Variants in FAN1 observed in about 807,000 individuals in gnomAD.
FAN1 encodes fanconi-associated nuclease 1.
Under a neutral mutation model 104.9 loss-of-function variants are expected in FAN1, and 91 were observed. That is an observed-to-expected ratio of 0.87 (90% CI 0.73 to 1.03). FAN1 has a LOEUF of 1.03. FAN1 is among the 50% of genes least tolerant of loss of function. The probability of loss-of-function intolerance (pLI) is 0.00; values close to 1 mark genes in which losing one functional copy is unlikely to be tolerated. For missense variants in FAN1, 1,263 were observed against 1,239.9 expected, an observed-to-expected ratio of 1.02 and a Z score of -0.28; for synonymous variants, 478 against 457.6, an observed-to-expected ratio of 1.04 and a Z score of -0.57.
At chr15:30,925,735 T>C in intron 9 of FAN1, 54 bp from the exon 10 acceptor site, 1 of 1,601,754 alleles carries the variant, frequency 6.2e-7, no homozygotes, top group East Asian at 2.2e-5. Context: ...AGGCAGGTTT[T>C]CAGGGACTTT....
rs1414757252 is a variant in FAN1, at chr15:30,930,524, T to A, written c.2788-19T>A. 12 of 1,580,676 alleles carry A rather than the reference T, an allele frequency of 7.6e-6. No individual in the cohort carries two copies. Among genetic ancestry groups the A allele is most frequent in the Non-Finnish European group, 1.0e-5 (12 of 1,170,010 alleles). Reference sequence around the variant, plus strand: ...CTGTCACGAGGGAAGTGGCTAACTGTCCTGTGTTTTGTGTTCAGGATCTTG... The same window carrying A: ...CTGTCACGAGGGAAGTGGCTAACTGACCTGTGTTTTGTGTTCAGGATCTTG... On this transcript the variant is annotated intron_variant, in intron 12 of 14. Coordinates refer to ENST00000362065, the MANE Select transcript of FAN1 (RefSeq NM_014967.5).
At chr15:30,917,196 C>G (rs1267844550) in intron 5 of FAN1, among the ~76,000 whole-genome samples, 1 of 152,050 alleles carries the variant, frequency 6.6e-6, no homozygotes, top group Non-Finnish European at 1.5e-5. Flanking sequence ...GGTGTTTTGC[C>G]TTGGGGTGGG....
intron 3 of FAN1, 70 bp downstream of exon 3, chr15:30,908,328 C>A: frequency 4.4e-6 from 6 of 1,378,440 alleles, no homozygotes; most frequent in Non-Finnish European, 5.9e-6. Context: ...AGAATGATGG[C>A]AGTATTATTA....
At chr15:30,919,029 C>T (rs2062254325) in intron 6 of FAN1, among the ~76,000 whole-genome samples, 1 of 152,116 alleles carries the variant, frequency 6.6e-6, no homozygotes, top group Admixed American at 6.5e-5. Context: ...ATGTTATATG[C>T]ATTATATGCT....
At position 30,904,917 on chromosome 15, in the gene FAN1, CTA is replaced by C. The variant is rs758406790; in HGVS notation, c.256_257del (p.Met86GlyfsTer14). 9 of 1,613,978 alleles carry C rather than the reference CTA, an allele frequency of 5.6e-6. No homozygotes were observed. The highest frequency in any genetic ancestry group is 7.6e-6 in the Non-Finnish European group (9 of 1,180,010). On this transcript the variant is annotated frameshift_variant, in exon 2 of 15. Coordinates refer to ENST00000362065, the MANE Select transcript of FAN1 (RefSeq NM_014967.5). LOFTEE classifies it high-confidence loss of function. ...GTTGGCTTAATAAATTCAAATGTGT[CTA>C]TGGTAGATTTAACCAGTGTTACCTT...
chr15:30,939,628 A>G (rs999281208), intron 14 of FAN1: 3 of 923,936 alleles, frequency 3.2e-6, no homozygotes, highest in African/African-American at 1.8e-5. Flanking sequence ...AAACTTGTAA[A>G]TTAACAACAA....
intron 14 of FAN1, chr15:30,940,229 T>C (rs1215370869): frequency 1.0e-6 from 1 of 985,276 alleles, no homozygotes; most frequent in Non-Finnish European, 1.2e-6. Flanking sequence ...AGCTTCAGCT[T>C]TGACCGCTAC....
At position 30,914,060 on chromosome 15, in the gene FAN1, C is replaced by G; in HGVS notation, c.1780C>G (p.His594Asp). 1 of 1,613,878 alleles carries G rather than the reference C, an allele frequency of 6.2e-7. No homozygotes were observed. The highest frequency in any genetic ancestry group is 8.5e-7 in the Non-Finnish European group (1 of 1,179,804). The part of the protein sequence containing the change: ...FPSYTINRKT[H>D]IFQDRDDLIR... ...TAGTTACACCATCAATCGGAAAACC[C>G]ACATCTTCCAAGACAGAGATGATCT... The change falls in exon 5 of 15, where the codon CAC (histidine) becomes GAC (aspartate). Residue 594 changes from histidine to aspartate, a missense_variant. Coordinates refer to ENST00000362065, the MANE Select transcript of FAN1 (RefSeq NM_014967.5).
chr15:30,933,961 C>T (rs2062785559), intron 13 of FAN1, among the ~76,000 whole-genome samples: 1 of 152,020 alleles, frequency 6.6e-6, no homozygotes, highest in Non-Finnish European at 1.5e-5. Context: ...GGGGTTCCAC[C>T]ATGTTGCCCA....
chr15:30,925,946 G>C lies in FAN1; in HGVS notation c.2488+7G>C. Reference sequence around the variant, plus strand: ...CGCAGCGGTTTTGACCAGGGTAACTGAGCAGGCTTTCTCTTGTGGCACCCA... The same window carrying C: ...CGCAGCGGTTTTGACCAGGGTAACTCAGCAGGCTTTCTCTTGTGGCACCCA... On this transcript the variant is annotated splice_region_variant and intron_variant, in intron 10 of 14. Coordinates refer to ENST00000362065, the MANE Select transcript of FAN1 (RefSeq NM_014967.5). 1 of 1,613,938 alleles carries C rather than the reference G, an allele frequency of 6.2e-7. No homozygotes were observed. The highest frequency in any genetic ancestry group is 8.5e-7 in the Non-Finnish European group (1 of 1,179,886).
intron 1 of FAN1, among the ~76,000 whole-genome samples, chr15:30,904,288 T>G (rs1433620815): frequency 6.6e-6 from 1 of 152,138 alleles, no homozygotes; most frequent in Non-Finnish European, 1.5e-5. Context: ...TTTTAGGTCT[T>G]AAAGATGTCC....
At position 30,942,132 on chromosome 15, in the gene FAN1, G is replaced by A; in HGVS notation, c.*570G>A. The A allele has an allele frequency of 6.6e-7, 1 of 1,524,710 alleles. No individual in the cohort carries two copies. Among genetic ancestry groups the A allele is most frequent in the Non-Finnish European group, 8.9e-7 (1 of 1,129,642 alleles). 94.4% of individuals were successfully genotyped at this position (1,524,710 alleles called of 1,614,324 possible). A position where few individuals can be genotyped will look rare whatever the true frequency, so the allele number is the denominator to read the frequency against. On this transcript the variant is annotated 3_prime_UTR_variant, in exon 15 of 15. Coordinates refer to ENST00000362065, the MANE Select transcript of FAN1 (RefSeq NM_014967.5). The stretch of plus-strand genomic sequence containing the variant: ...TCCCTTTTTAGAAAGATTGAAGGAT[G>A]CAATGGCAAATATAAACTCAATACT...
intron 9 of FAN1, 123 bp downstream of exon 9, chr15:30,925,414 T>TCGGAATAATCTAAAAATCCAAAACACAGC: frequency 1.0e-6 from 1 of 974,838 alleles, no homozygotes; most frequent in Non-Finnish European, 1.5e-6. Flanking sequence ...AATCTAAAAC[T>TCGGAATAATCTAAAAATCCAAAACACAGC]CGTTTTGGAC....
chr15:30,910,173 C>T (rs2062067122), intron 3 of FAN1, among the ~76,000 whole-genome samples: 1 of 152,238 alleles, frequency 6.6e-6, no homozygotes, highest in Non-Finnish European at 1.5e-5. Context: ...TCGGGGCCCA[C>T]AGTAGCCGAA....
chr15:30,913,970 G>T lies in FAN1; in HGVS notation c.1690G>T (p.Ala564Ser), dbSNP rs565689759. 1 of 1,614,022 alleles carries T rather than the reference G, an allele frequency of 6.2e-7. No individual in the cohort carries two copies. Among genetic ancestry groups the T allele is most frequent in the Non-Finnish European group, 8.5e-7 (1 of 1,180,022 alleles). ...CGACTCAATGGAAGATGAAGACGCC[G>T]CTTGTGGAGGTCAGGGACAGCTTTC... ...LTDSMEDEDA[A>S]CGGQGQLSTV... The change falls in exon 5 of 15, where the codon GCT (alanine) becomes TCT (serine). Residue 564 changes from alanine to serine, a missense_variant. This residue lies in a region of FAN1 where 581 missense variants were observed against 668.8 expected (regional missense o/e 0.87). Transcript: ENST00000362065.
At position 30,913,886 on chromosome 15, in the gene FAN1, C is replaced by A. The variant is rs1408556558; in HGVS notation, c.1606C>A (p.Arg536=). Reference sequence around the variant, plus strand: ...CAAAGCCTTGGCTGGACAGTCAGTACGAATCTGTAAAGGCCCCAGGGCTGT... The same window carrying A: ...CAAAGCCTTGGCTGGACAGTCAGTAAGAATCTGTAAAGGCCCCAGGGCTGT... ...RAKALAGQSV[R]ICKGPRAVFS... is the part of the protein sequence containing the mutation. Residue 536 remains arginine (R), a synonymous_variant, in exon 5 of 15, where the codon CGA becomes AGA. Transcript: ENST00000362065. 1 of 1,613,828 alleles carries A rather than the reference C, an allele frequency of 6.2e-7. No individual in the cohort carries two copies.
rs553691756 is a variant in FAN1 at position 30,911,984 on chromosome 15, C to T, written c.1577+1169C>T. ...GGCTGAGTCAGGAGAATTGCCTGAA[C>T]CTGGGAGGTAGAGGTTGCAGTGAGC... is the stretch of plus-strand genomic sequence containing the variant. On this transcript the variant is annotated intron_variant, in intron 4 of 14. Transcript: ENST00000362065. Among the ~76,000 whole-genome samples, 4 of 151,198 alleles carry T rather than the reference C, an allele frequency of 2.6e-5. No homozygotes were observed. The South Asian group carries it at 8.4e-4, about 32-fold the overall frequency.
rs757901805 is a variant in FAN1, at chr15:30,942,041, G to C, written c.*479G>C. The C allele has an allele frequency of 2.9e-5, 47 of 1,613,780 alleles. 1 individual carries two copies. In the East Asian group the frequency reaches 9.6e-4, roughly 33 times the overall value. On this transcript the variant is annotated 3_prime_UTR_variant, in exon 15 of 15. Coordinates refer to ENST00000362065, the MANE Select transcript of FAN1 (RefSeq NM_014967.5). ...GATGATTCCATTCTTTAAGGCAGACGGCATTCCTCTTAGTGTGGAGCTGTA... is the reference window on the plus strand; with the variant it reads ...GATGATTCCATTCTTTAAGGCAGACCGCATTCCTCTTAGTGTGGAGCTGTA...
At chr15:30,918,488 A>C (rs958161256) in intron 6 of FAN1, among the ~76,000 whole-genome samples, 193 bp downstream of exon 6, 5 of 152,226 alleles carry the variant, frequency 3.3e-5, no homozygotes, top group Non-Finnish European at 7.3e-5. Context: ...TGAAGGTTTA[A>C]AGTGAATTTG....
Sources: gnomAD v4.1 joint callset for allele counts (sites outside exome capture counted in the v4.1 genomes callset) on GRCh38, gnomAD v4.1.1 for gene constraint, gnomAD v4.1.1 regional missense constraint, MANE v1.5 for transcripts, NCBI Gene and HGNC (gene_info 2026-07-23, HGNC 2026-07-21) for gene names.